The following CALN1 variants were observed in gnomAD, a reference collection of about 807,000 sequenced individuals.
The protein encoded by CALN1 is calcium-binding protein 8.
Under a neutral mutation model 30.6 loss-of-function variants are expected in CALN1, and 17 were observed. That is an observed-to-expected ratio of 0.56 (90% confidence interval 0.38 to 0.83). The LOEUF is 0.83. Among genes scored for constraint, CALN1 ranks in the 40% least tolerant of loss-of-function variants. The probability of loss-of-function intolerance (pLI) is 0.00; values close to 1 mark genes in which losing one functional copy is unlikely to be tolerated. For synonymous variants in CALN1, 156 were observed against 131.4 expected, an observed-to-expected ratio of 1.19 and a Z score of -1.28; for missense variants, 291 against 354.9, an observed-to-expected ratio of 0.82 and a Z score of 1.45.
chr7:72,010,828 GAAAAGA>G (rs141596492), intron 5 of CALN1, among the ~76,000 whole-genome samples: 2,050 of 148,062 alleles, frequency 0.014, 41 homozygotes, highest in African/African-American at 0.048. Context: ...GAAAAGAAAA[GAAAAGA>G]AAAAGAAAAA....
chr7:71,885,585 C>G (rs1264525551), intron 5 of CALN1, among the ~76,000 whole-genome samples: 7 of 152,252 alleles, frequency 4.6e-5, no homozygotes, highest in African/African-American at 1.7e-4. Flanking sequence ...TCATATTTGA[C>G]TCAGAATAAA....
At chr7:72,331,332 AGAGC>A (rs1374955635) in intron 2 of CALN1, among the ~76,000 whole-genome samples, 2 of 152,154 alleles carry the variant, frequency 1.3e-5, no homozygotes, top group Non-Finnish European at 2.9e-5. Context: ...CCTGGGCAAC[AGAGC>A]GAGACTCCAT....
chr7:72,302,916 A>AAAAC (rs1799387434), intron 2 of CALN1, among the ~76,000 whole-genome samples: 1 of 142,710 alleles, frequency 7.0e-6, no homozygotes, highest in Non-Finnish European at 1.5e-5. Context: ...AAAAAAAAAA[A>AAAAC]ACGAAAAGAA....
chr7:72,297,423 A>G (rs1403420022), intron 2 of CALN1, among the ~76,000 whole-genome samples: 1 of 152,218 alleles, frequency 6.6e-6, no homozygotes, highest in African/African-American at 2.4e-5. Context: ...TATTAAAACA[A>G]ATATAGAAAG....
chr7:71,977,301 C>T (rs571621713), intron 5 of CALN1, among the ~76,000 whole-genome samples: 19 of 152,244 alleles, frequency 1.2e-4, no homozygotes, highest in African/African-American at 4.6e-4. Context: ...GGCACAGCGG[C>T]ATGCACCTGT....
intron 1 of CALN1, among the ~76,000 whole-genome samples, chr7:72,409,525 G>A (rs928460776): frequency 4.7e-5 from 7 of 148,512 alleles, no homozygotes; most frequent in East Asian, 2.2e-4. Context: ...TTATTTCAGC[G>A]TCTGTGGCCT....
Position 71,867,275 on chromosome 7 carries a change from A to G in CALN1, c.502-56783T>C. On this transcript the variant is annotated intron_variant, in intron 5 of 6. Coordinates refer to ENST00000395275, the MANE Select transcript of CALN1 (RefSeq NM_031468.4). ...GGCGTCTGTCAGGAAATATGAGGGA[A>G]AAAAGAGGCCAGTCACAATAACATG... 1.3e-5 allele frequency among the ~76,000 whole-genome samples: 2 copies of G among 152,164 alleles called. 1 individual carries two copies. Among genetic ancestry groups the G allele is most frequent in the Middle Eastern group, 6.3e-3 (2 of 316 alleles).
intron 2 of CALN1, among the ~76,000 whole-genome samples, chr7:72,381,334 G>C (rs1804887502): frequency 6.6e-6 from 1 of 152,042 alleles, no homozygotes; most frequent in Non-Finnish European, 1.5e-5. Context: ...TCCTATTACT[G>C]GGTATATACC....
chr7:71,837,084 T>G (rs1213055383), intron 5 of CALN1, among the ~76,000 whole-genome samples: 1 of 151,376 alleles, frequency 6.6e-6, no homozygotes, highest in African/African-American at 2.4e-5. Context: ...TTACAAAAGT[T>G]AGTCGGGCAT....
chr7:72,361,951 C>G (rs1803598651), intron 2 of CALN1, among the ~76,000 whole-genome samples: 1 of 152,006 alleles, frequency 6.6e-6, no homozygotes, highest in Admixed American at 6.6e-5. Context: ...ACATTTTTTT[C>G]TTACGCAGTT....
chr7:71,948,822 G>C (rs1796541074), intron 5 of CALN1, among the ~76,000 whole-genome samples: 1 of 151,464 alleles, frequency 6.6e-6, no homozygotes, highest in South Asian at 2.1e-4. Flanking sequence ...TGGGATGACT[G>C]CTTGAACCCA....
Position 72,236,161 on chromosome 7 carries a change from C to G in CALN1, c.244+42525G>C, listed in dbSNP as rs142712509. 2.1e-4 allele frequency among the ~76,000 whole-genome samples: 32 copies of G among 151,736 alleles called. No individual in the cohort carries two copies. In the East Asian group the frequency reaches 4.7e-3, roughly 22 times the overall value. On this transcript the variant is annotated intron_variant, in intron 3 of 6. Coordinates refer to ENST00000395275, the MANE Select transcript of CALN1 (RefSeq NM_031468.4). ...AGTCCAATTTCTTACAAGCTGAAAA[C>G]CCTCAGAAAAATCACCTAATTATTG...
Position 72,346,480 on chromosome 7 carries a change from T to A in CALN1, c.119+56771A>T, listed in dbSNP as rs371823344. ...CATTCTGTCCTGATTCTCCCATATA[T>A]AATTTTTAATTTGATCTCCATTCAG... On this transcript the variant is annotated intron_variant, in intron 2 of 6. Coordinates refer to ENST00000395275, the MANE Select transcript of CALN1 (RefSeq NM_031468.4). 2.5e-4 allele frequency among the ~76,000 whole-genome samples: 38 copies of A among 152,312 alleles called. 1 individual carries two copies. The East Asian group carries it at 7.1e-3, about 29-fold the overall frequency.
At chr7:72,074,573 A>G (rs1804609871) in intron 4 of CALN1, among the ~76,000 whole-genome samples, 1 of 152,048 alleles carries the variant, frequency 6.6e-6, no homozygotes, top group African/African-American at 2.4e-5. Flanking sequence ...ACTCCAGACT[A>G]ATTTTTGTAT....
At chr7:72,177,594 A>AG in intron 3 of CALN1, among the ~76,000 whole-genome samples, 2 of 151,740 alleles carry the variant, frequency 1.3e-5, no homozygotes, top group Non-Finnish European at 2.9e-5. Flanking sequence ...GTGAAACCTC[A>AG]TCTCTACCAA....
chr7:72,367,097 A>G (rs1435384095), intron 2 of CALN1, among the ~76,000 whole-genome samples: 1 of 141,318 alleles, frequency 7.1e-6, no homozygotes, highest in African/African-American at 2.5e-5. Flanking sequence ...CTTCATGATT[A>G]TATTTTAATA....
At chr7:72,123,486 G>A (rs895251175) in intron 3 of CALN1, among the ~76,000 whole-genome samples, 16 of 152,138 alleles carry the variant, frequency 1.1e-4, no homozygotes, top group African/African-American at 3.6e-4. Context: ...TAAACACCGC[G>A]CCATGTCTTG....
In CALN1 at chr7:72,209,148, TCCC is replaced by T. The variant is rs1225293584; in HGVS notation, c.244+69535_244+69537del. Among the ~76,000 whole-genome samples the T allele has an allele frequency of 9.3e-5, 12 of 128,920 alleles. 1 individual carries two copies. Among genetic ancestry groups the T allele is most frequent in the South Asian group, 8.3e-4 (3 of 3,598 alleles). The allele number at this position is 128,920 out of a possible 152,430, so 84.6% of individuals were successfully genotyped here. On this transcript the variant is annotated intron_variant, in intron 3 of 6. Coordinates refer to ENST00000395275, the MANE Select transcript of CALN1 (RefSeq NM_031468.4). ...TTCCTTCTCTCCCTCTTTCATTCCT[TCCC>T]CCCTTCTCCCTTGACTTCTTCCTTC...
At chr7:72,382,762 C>A (rs1249089150) in intron 2 of CALN1, among the ~76,000 whole-genome samples, 2 of 152,092 alleles carry the variant, frequency 1.3e-5, no homozygotes, top group African/African-American at 4.8e-5. Flanking sequence ...GATAGTCTCC[C>A]AGGTGCACCC....
Sources: allele counts gnomAD v4.1 joint callset (sites outside exome capture counted in the v4.1 genomes callset), GRCh38; gene constraint gnomAD v4.1.1; transcripts MANE v1.5; gene names NCBI Gene and HGNC (gene_info 2026-07-23, HGNC 2026-07-21).